PTK2: variants seen among roughly 807,000 people sequenced by gnomAD.
PTK2 encodes the protein focal adhesion kinase 1.
Under a neutral mutation model 150.1 loss-of-function variants are expected in PTK2, and 45 were observed. The observed-to-expected ratio is 0.30, with a 90% CI of 0.24 to 0.38. The LOEUF (loss-of-function observed/expected upper bound fraction) is 0.38. PTK2 is among the 10% of genes least tolerant of loss of function. The pLI is 1.00. For synonymous variants in PTK2, 432 were observed against 449.2 expected (o/e 0.96, Z 0.48); for missense variants, 919 against 1,307.3 (o/e 0.70, Z 4.58).
At chr8:140,757,042 T>C (rs1169752739) in intron 16 of PTK2, among the ~76,000 whole-genome samples, 3 of 151,996 alleles carry the variant, frequency 2.0e-5, no homozygotes, top group Admixed American at 1.3e-4. Context: ...TAAAAAATTA[T>C]CTTGTATTTT....
chr8:140,795,983 CTA>C (rs1348902412), intron 12 of PTK2, among the ~76,000 whole-genome samples: 1 of 152,214 alleles, frequency 6.6e-6, no homozygotes. Context: ...GCGGCATCCT[CTA>C]TGTTTCTGCT....
intron 22 of PTK2, among the ~76,000 whole-genome samples, chr8:140,732,314 G>A (rs1372881855): frequency 6.6e-6 from 1 of 152,154 alleles, no homozygotes; most frequent in East Asian, 1.9e-4. Flanking sequence ...CAGAATGAAT[G>A]AATGCTCAAC....
intron 1 of PTK2, among the ~76,000 whole-genome samples, chr8:140,966,355 T>G (rs2100185302): frequency 6.6e-6 from 1 of 152,236 alleles, no homozygotes; most frequent in African/African-American, 2.4e-5. Context: ...TTATGTTTTA[T>G]TCTATGTAGT....
At chr8:140,822,350 T>TCACACACACA (rs10635359) in intron 8 of PTK2, 10 of 149,330 alleles carry the variant, frequency 6.7e-5, no homozygotes, top group African/African-American at 2.0e-4. Flanking sequence ...AGGCGCTGAT[T>TCACACACACA]CACACACACA....
chr8:140,673,355 G>A (rs563980995), intron 29 of PTK2, among the ~76,000 whole-genome samples: 70 of 151,972 alleles, frequency 4.6e-4, no homozygotes, highest in South Asian at 2.1e-3. Flanking sequence ...TGATCCGCCC[G>A]TCTTGGCCTC....
chr8:140,789,211 A>G (rs2100086844), intron 14 of PTK2, among the ~76,000 whole-genome samples: 1 of 152,094 alleles, frequency 6.6e-6, no homozygotes, highest in Non-Finnish European at 1.5e-5. Context: ...CATGATATTA[A>G]AACCCAAAAA....
intron 1 of PTK2, among the ~76,000 whole-genome samples, chr8:140,996,074 TAAAACAAAAC>T (rs200730309): frequency 2.7e-4 from 41 of 151,762 alleles, no homozygotes; most frequent in African/African-American, 9.0e-4. Flanking sequence ...CTGTGTCTCT[TAAAACAAAAC>T]AAAACAAAAC....
At chr8:140,717,899 C>A in intron 22 of PTK2, 190 bp from the exon 26 acceptor site, 1 of 489,332 alleles carries the variant, frequency 2.0e-6, no homozygotes, top group South Asian at 3.0e-5. Context: ...TAGCCTTGGT[C>A]CAAATGGGCA....
chr8:140,930,984 T>C (rs559567024), intron 1 of PTK2, among the ~76,000 whole-genome samples: 120 of 150,374 alleles, frequency 8.0e-4, no homozygotes, highest in African/African-American at 2.6e-3. Flanking sequence ...TGAGGCACAA[T>C]TGCTTGAACC....
intron 2 of PTK2, among the ~76,000 whole-genome samples, chr8:140,904,807 T>C (rs1410638235): frequency 2.0e-5 from 3 of 152,212 alleles, no homozygotes; most frequent in Admixed American, 6.5e-5. Flanking sequence ...TAGTATTTTC[T>C]AATGGTAGTT....
chr8:140,898,560 T>C (rs534547373), intron 2 of PTK2, among the ~76,000 whole-genome samples: 2 of 152,208 alleles, frequency 1.3e-5, no homozygotes, highest in East Asian at 1.9e-4. Flanking sequence ...CAGTTCCAAG[T>C]CCAGATGTGA....
intron 7 of PTK2, chr8:140,833,068 C>T: frequency 1.9e-6 from 1 of 518,634 alleles, no homozygotes; most frequent in Non-Finnish European, 3.8e-6. Context: ...TAAAGATAAA[C>T]CAAAAGTGTT....
At chr8:140,896,104 T>C (rs1019632901) in intron 2 of PTK2, among the ~76,000 whole-genome samples, 15 of 152,300 alleles carry the variant, frequency 9.8e-5, no homozygotes, top group African/African-American at 3.1e-4. Flanking sequence ...AAAATTTAGA[T>C]AAGCACAATT....
chr8:140,798,182 G>A (rs1394886246), intron 12 of PTK2, among the ~76,000 whole-genome samples: 2 of 152,066 alleles, frequency 1.3e-5, no homozygotes, highest in African/African-American at 4.8e-5. Flanking sequence ...GTACATTAGA[G>A]TTGCAGAAAC....
At chr8:140,918,511 GAACCCA>G (rs1318736245) in intron 2 of PTK2, among the ~76,000 whole-genome samples, 2 of 152,092 alleles carry the variant, frequency 1.3e-5, no homozygotes. Flanking sequence ...TGATGTAGTT[GAACCCA>G]TGTTAAAACA....
chr8:140,681,259 A>C (rs1355801584), intron 27 of PTK2, among the ~76,000 whole-genome samples: 1 of 151,886 alleles, frequency 6.6e-6, no homozygotes, highest in African/African-American at 2.4e-5. Context: ...AGGCTGAGGC[A>C]GGAGAATCTC....
chr8:140,815,432 G>A (rs1044140045), intron 10 of PTK2, among the ~76,000 whole-genome samples: 1 of 152,118 alleles, frequency 6.6e-6, no homozygotes, highest in Non-Finnish European at 1.5e-5. Flanking sequence ...GGGTAAAAGT[G>A]GGGAGGGGAT....
chr8:140,762,947 A>T (rs911248590), intron 15 of PTK2, among the ~76,000 whole-genome samples: 1 of 152,076 alleles, frequency 6.6e-6, no homozygotes, highest in Non-Finnish European at 1.5e-5. Flanking sequence ...CGCCTGCCTA[A>T]TTTATTTTGT....
intron 1 of PTK2, among the ~76,000 whole-genome samples, chr8:140,998,975 G>T (rs931657716): frequency 1.3e-5 from 2 of 152,162 alleles, no homozygotes; most frequent in Non-Finnish European, 2.9e-5. Context: ...AAACATTTTA[G>T]TATAAAACGT....
Sources: allele counts gnomAD v4.1 joint callset (sites outside exome capture counted in the v4.1 genomes callset), GRCh38; gene constraint gnomAD v4.1.1; transcripts MANE v1.5; gene names NCBI Gene and HGNC (gene_info 2026-07-23, HGNC 2026-07-21).